The following PALLD variants were observed in gnomAD, a reference collection of about 807,000 sequenced individuals.
The protein encoded by PALLD is palladin.
A neutral mutation model predicts 123.5 loss-of-function variants in PALLD; 61 were observed. The ratio of observed to expected loss-of-function variants is 0.49; its 90% CI spans 0.40 to 0.61. The LOEUF (loss-of-function observed/expected upper bound fraction) is 0.61, where lower values mean the gene tolerates loss of function less well. PALLD is among the 20% of genes least tolerant of loss of function. The pLI is 0.00. For missense variants in PALLD, 1,273 were observed against 1,377.0 expected (o/e 0.92, Z 1.20); for synonymous variants, 465 against 496.4 (o/e 0.94, Z 0.84).
At chr4:168,882,475 AT>A (rs1273261553) in intron 10 of PALLD, among the ~76,000 whole-genome samples, 3 of 152,220 alleles carry the variant, frequency 2.0e-5, no homozygotes, top group African/African-American at 4.8e-5. Context: ...GACACAGGGC[AT>A]TTTCACCAGT....
At chr4:168,704,846 T>C (rs1784077648) in intron 8 of PALLD, among the ~76,000 whole-genome samples, 1 of 151,898 alleles carries the variant, frequency 6.6e-6, no homozygotes, top group African/African-American at 2.4e-5. Context: ...TCAAGACAAG[T>C]GGGAGAAAAA....
intron 14 of PALLD, among the ~76,000 whole-genome samples, chr4:168,903,488 T>C (rs1315850129): frequency 2.0e-5 from 3 of 152,306 alleles, no homozygotes; most frequent in African/African-American, 2.4e-5. Context: ...CAAAATTCAA[T>C]ATATCCCTTC....
chr4:168,867,101 G>T (rs1750397727), intron 10 of PALLD, among the ~76,000 whole-genome samples: 1 of 152,164 alleles, frequency 6.6e-6, no homozygotes, highest in African/African-American at 2.4e-5. Context: ...CATAATCTTG[G>T]ACAACTTACT....
Position 168,877,951 on chromosome 4 carries a change from C to T in PALLD, c.1965-12971C>T, listed in dbSNP as rs752730979. 3 of 1,501,472 alleles carry T rather than the reference C, an allele frequency of 2.0e-6. No homozygotes were observed. Among genetic ancestry groups the T allele is most frequent in the South Asian group, 2.5e-5 (2 of 81,378 alleles). 93.0% of individuals were successfully genotyped at this position (1,501,472 alleles called of 1,614,324 possible). A position where few individuals can be genotyped will look rare whatever the true frequency, so the allele number is the denominator to read the frequency against. ...TGCAGTCCTCCGGCTCCTTCAACTA[C>T]GCGCGCCCCAAGCAGTTCATCGCCG... On this transcript the variant is annotated intron_variant, in intron 10 of 21. Coordinates refer to ENST00000505667, the MANE Select transcript of PALLD (RefSeq NM_001166108.2).
rs1409634883 is a variant in PALLD at position 168,927,454 on chromosome 4, G to GAAGA, written c.*1275_*1278dup. 1.7e-5 allele frequency: 4 copies of GAAGA among 232,838 alleles called. No individual in the cohort carries two copies. The highest frequency in any genetic ancestry group is 8.8e-5 in the African/African-American group (4 of 45,440). 14.4% of individuals were successfully genotyped at this position (232,838 alleles called of 1,614,324 possible). A position where few individuals can be genotyped will look rare whatever the true frequency, so the allele number is the denominator to read the frequency against. ...TGTGTCTGAGGTTTGTGTAGTAGTG[G>GAAGA]AAGATTTTAGGTATGTAGAGCAAGT... On this transcript the variant is annotated 3_prime_UTR_variant, in exon 22 of 22. Coordinates refer to ENST00000505667, the MANE Select transcript of PALLD (RefSeq NM_001166108.2).
intron 11 of PALLD, among the ~76,000 whole-genome samples, chr4:168,893,875 A>G (rs1003911327): frequency 2.0e-5 from 3 of 152,234 alleles, no homozygotes; most frequent in African/African-American, 7.2e-5. Flanking sequence ...TTCTGGGTCA[A>G]GTCAATTGAG....
chr4:168,911,315 A>G (rs1430001386), intron 15 of PALLD, among the ~76,000 whole-genome samples: 1 of 152,322 alleles, frequency 6.6e-6, no homozygotes, highest in African/African-American at 2.4e-5. Context: ...AACTTACATT[A>G]TATCTTTTTC....
At chr4:168,500,006 A>C (rs1449051765) in intron 1 of PALLD, among the ~76,000 whole-genome samples, 1 of 152,252 alleles carries the variant, frequency 6.6e-6, no homozygotes, top group Non-Finnish European at 1.5e-5. Flanking sequence ...TTTGCAGTTA[A>C]ATGCAGGCTT....
intron 10 of PALLD, among the ~76,000 whole-genome samples, chr4:168,789,760 G>A (rs1020101472): frequency 3.3e-5 from 5 of 151,076 alleles, no homozygotes; most frequent in East Asian, 2.0e-4. Context: ...AAACACTTTC[G>A]TATTTTCATT....
At chr4:168,746,447 C>G (rs969583229) in intron 10 of PALLD, among the ~76,000 whole-genome samples, 6 of 142,262 alleles carry the variant, frequency 4.2e-5, no homozygotes, top group African/African-American at 1.6e-4. Flanking sequence ...GGTAGTAACA[C>G]CTGAGACAGA....
At chr4:168,840,730 T>C (rs1745919512) in intron 10 of PALLD, among the ~76,000 whole-genome samples, 1 of 152,188 alleles carries the variant, frequency 6.6e-6, no homozygotes, top group Non-Finnish European at 1.5e-5. Context: ...TTGAGATATG[T>C]GAAAGGCAGT....
Position 168,559,723 on chromosome 4 carries a change from C to T in PALLD, c.908+47311C>T, listed in dbSNP as rs186201708. Reference sequence around the variant, plus strand: ...ACAGGCCTGGGCAACATGGCGAAACCCCATCTCTACAAAAAATACAAAAAT... The same window carrying T: ...ACAGGCCTGGGCAACATGGCGAAACTCCATCTCTACAAAAAATACAAAAAT... On this transcript the variant is annotated intron_variant, in intron 2 of 21. Coordinates refer to ENST00000505667, the MANE Select transcript of PALLD (RefSeq NM_001166108.2). Among the ~76,000 whole-genome samples the T allele has an allele frequency of 9.2e-5, 14 of 151,928 alleles. No homozygotes were observed. In the East Asian group the frequency reaches 2.5e-3, roughly 27 times the overall value.
chr4:168,513,278 T>C (rs772714183), intron 2 of PALLD, among the ~76,000 whole-genome samples: 5 of 152,140 alleles, frequency 3.3e-5, no homozygotes, highest in Non-Finnish European at 4.4e-5. Flanking sequence ...GGTCTGCCCG[T>C]TATTCCTACA....
chr4:168,632,210 AT>A (rs1188115104), intron 2 of PALLD, among the ~76,000 whole-genome samples: 2 of 151,998 alleles, frequency 1.3e-5, no homozygotes, highest in African/African-American at 2.4e-5. Flanking sequence ...ATTAAAAAAA[AT>A]GATACTTTTA....
Position 168,621,686 on chromosome 4 carries a change from G to T in PALLD, c.909-46504G>T, listed in dbSNP as rs555931213. Among the ~76,000 whole-genome samples, 3 of 152,282 alleles carry T rather than the reference G, an allele frequency of 2.0e-5. No homozygotes were observed. The South Asian group carries it at 6.2e-4, about 32-fold the overall frequency. On this transcript the variant is annotated intron_variant, in intron 2 of 21. Coordinates refer to ENST00000505667, the MANE Select transcript of PALLD (RefSeq NM_001166108.2). ...AATGTATATAAATCCCGTAAGTGAT[G>T]AAAGGAATTTTACTAAATGGCCCTT...
chr4:168,771,983 A>AT (rs1164913748), intron 10 of PALLD, among the ~76,000 whole-genome samples: 3 of 151,988 alleles, frequency 2.0e-5, no homozygotes, highest in Non-Finnish European at 4.4e-5. Context: ...ATAATTAACC[A>AT]TTTTTCTGAT....
chr4:168,647,560 C>T (rs1777590751), intron 2 of PALLD, among the ~76,000 whole-genome samples: 1 of 152,058 alleles, frequency 6.6e-6, no homozygotes, highest in South Asian at 2.1e-4. Flanking sequence ...GCAGGCACGT[C>T]ATCTGAGGTC....
intron 17 of PALLD, among the ~76,000 whole-genome samples, chr4:168,919,259 C>CACTG (rs1243215297): frequency 6.6e-6 from 1 of 152,130 alleles, no homozygotes; most frequent in East Asian, 1.9e-4. Context: ...GCACGTGGGT[C>CACTG]ACGCCTGTAA....
At chr4:168,878,457 C>T in intron 10 of PALLD, 1 of 1,280,032 alleles carries the variant, frequency 7.8e-7, no homozygotes, top group Non-Finnish European at 1.0e-6. Flanking sequence ...CTGGGACTCC[C>T]ACATCTCCAT....
Sources: allele counts gnomAD v4.1 joint callset (sites outside exome capture counted in the v4.1 genomes callset), GRCh38; gene constraint gnomAD v4.1.1; transcripts MANE v1.5; gene names NCBI Gene and HGNC (gene_info 2026-07-23, HGNC 2026-07-21).